Variants in FNIP1 observed in about 807,000 individuals in gnomAD.
FNIP1 encodes the protein folliculin interacting protein 1.
FNIP1 carries 40 observed loss-of-function variants against 124.5 expected under a neutral mutation model. The ratio of observed to expected loss-of-function variants is 0.32; its 90% CI spans 0.25 to 0.42. The LOEUF is 0.42. Among genes scored for constraint, FNIP1 ranks in the 10% least tolerant of loss-of-function variants. The pLI, the probability that FNIP1 is intolerant of heterozygous loss-of-function variation, is 1.00. For synonymous variants in FNIP1, 472 were observed against 470.6 expected (o/e 1.00, Z -0.04); for missense variants, 1,176 against 1,403.7 (o/e 0.84, Z 2.59).
intron 3 of FNIP1, among the ~76,000 whole-genome samples, chr5:131,730,171 A>G (rs1770032492): frequency 6.6e-6 from 1 of 152,228 alleles, no homozygotes; most frequent in East Asian, 1.9e-4. Context: ...GAGATGGAAT[A>G]GAAGAAGGCA....
chr5:131,697,484 G>A (rs1440652718), intron 11 of FNIP1, among the ~76,000 whole-genome samples: 1 of 151,834 alleles, frequency 6.6e-6, no homozygotes, highest in Non-Finnish European at 1.5e-5. Context: ...GTTTTATTAT[G>A]GTAAAGCATA....
intron 15 of FNIP1, among the ~76,000 whole-genome samples, chr5:131,659,459 G>T (rs1274300161): frequency 1.3e-5 from 2 of 152,196 alleles, no homozygotes; most frequent in Non-Finnish European, 2.9e-5. Context: ...AAAGTCCAGG[G>T]TGACATAGTA....
intron 1 of FNIP1, among the ~76,000 whole-genome samples, chr5:131,750,620 T>A (rs1375035232): frequency 6.6e-6 from 1 of 151,404 alleles, no homozygotes; most frequent in Non-Finnish European, 1.5e-5. Context: ...TTCTTTCTTT[T>A]TTTTTTTTTT....
chr5:131,674,053 TA>T (rs1173621538), intron 13 of FNIP1, among the ~76,000 whole-genome samples: 1 of 151,368 alleles, frequency 6.6e-6, no homozygotes, highest in African/African-American at 2.4e-5. Flanking sequence ...ATAAAAATAA[TA>T]AAAAATAAAA....
intron 2 of FNIP1, among the ~76,000 whole-genome samples, chr5:131,732,039 G>A (rs1004929994): frequency 6.6e-6 from 1 of 152,174 alleles, no homozygotes; most frequent in Non-Finnish European, 1.5e-5. Flanking sequence ...GAAGAAAAAT[G>A]TATTTCTTTT....
rs761703732 is a variant in FNIP1, at chr5:131,710,635, G to T, written c.649C>A (p.Arg217=). The T allele has an allele frequency of 1.9e-6, 3 of 1,613,950 alleles. No homozygotes were observed. Among genetic ancestry groups the T allele is most frequent in the East Asian group, 4.5e-5 (2 of 44,880 alleles). ...AGCGGACCCTGCTCAGAGAATGCCCGCCTGGGGCTGCAGAACTGTGAAAGA... is the reference window on the plus strand; with the variant it reads ...AGCGGACCCTGCTCAGAGAATGCCCTCCTGGGGCTGCAGAACTGTGAAAGA... ...IGLSQFCSPR[R]AFSEQGPLRL... is the part of the protein sequence containing the mutation. Residue 217 remains arginine, a synonymous_variant, in exon 7 of 18, where the codon CGG becomes AGG. Coordinates refer to ENST00000510461, the MANE Select transcript of FNIP1 (RefSeq NM_133372.3).
intron 17 of FNIP1, 92 bp downstream of exon 17, chr5:131,646,998 C>G: frequency 6.7e-6 from 7 of 1,045,342 alleles, no homozygotes; most frequent in Non-Finnish European, 1.0e-5. Context: ...TAGGAGAAGA[C>G]ACGTAAAAGG....
At chr5:131,668,927 G>C (rs907850558) in intron 15 of FNIP1, among the ~76,000 whole-genome samples, 2 of 152,154 alleles carry the variant, frequency 1.3e-5, no homozygotes, top group African/African-American at 4.8e-5. Context: ...TACAATTTAA[G>C]TGAAACCACG....
chr5:131,785,783 T>C (rs1017688940), intron 1 of FNIP1, among the ~76,000 whole-genome samples: 6 of 152,252 alleles, frequency 3.9e-5, no homozygotes, highest in Admixed American at 6.5e-5. Context: ...AGCAGGAAGA[T>C]AGCTTGAGCC....
intron 1 of FNIP1, among the ~76,000 whole-genome samples, chr5:131,757,782 G>A (rs187411340): frequency 7.2e-5 from 11 of 152,224 alleles, no homozygotes; most frequent in Middle Eastern, 3.4e-3. Flanking sequence ...TTCATAGAGG[G>A]GCTTATATTT....
At chr5:131,705,197 G>A (rs766149703) in intron 9 of FNIP1, among the ~76,000 whole-genome samples, 1 of 152,040 alleles carries the variant, frequency 6.6e-6, no homozygotes, top group African/African-American at 2.4e-5. Context: ...CAAGTCAGAT[G>A]TGGTGCCTCA....
chr5:131,787,871 G>A (rs944652795), intron 1 of FNIP1, among the ~76,000 whole-genome samples: 2 of 152,146 alleles, frequency 1.3e-5, no homozygotes, highest in African/African-American at 4.8e-5. Context: ...AACACTTTGA[G>A]AGGCCAACGT....
In FNIP1 at chr5:131,709,127, A is replaced by G. The variant is rs750094438; in HGVS notation, c.778+74T>C. Reference sequence around the variant, plus strand: ...ATCAATATGAACAAATTTGATAATAAAGGGAGGGATAAAAAAGAAAATCAA... The same window carrying G: ...ATCAATATGAACAAATTTGATAATAGAGGGAGGGATAAAAAAGAAAATCAA... On this transcript the variant is annotated intron_variant, in intron 8 of 17. Transcript: ENST00000510461. 39 of 1,197,954 alleles carry G rather than the reference A, an allele frequency of 3.3e-5. No individual in the cohort carries two copies. The Admixed American group carries it at 3.5e-4, about 11-fold the overall frequency. The allele number at this position is 1,197,954 out of a possible 1,614,324, so 74.2% of individuals were successfully genotyped here.
At chr5:131,749,290 C>T (rs140287343) in intron 1 of FNIP1, among the ~76,000 whole-genome samples, 8 of 152,180 alleles carry the variant, frequency 5.3e-5, no homozygotes, top group Non-Finnish European at 1.0e-4. Context: ...TTTTCACAGT[C>T]ACTGACTACT....
rs878954935 is a variant in FNIP1, at chr5:131,677,636, T to C, written c.1519+67A>G. 2.8e-6 allele frequency: 4 copies of C among 1,423,396 alleles called. No individual in the cohort carries two copies. In the South Asian group the frequency reaches 4.2e-5, roughly 15 times the overall value. The allele number at this position is 1,423,396 out of a possible 1,614,324, so 88.2% of individuals were successfully genotyped here. On this transcript the variant is annotated intron_variant, in intron 13 of 17. Transcript: ENST00000510461. Reference sequence around the variant, plus strand: ...GCATTTTATTTATTTTTGGTTTTGCTATAAAATAATTACAGATAGCTACAA... The same window carrying C: ...GCATTTTATTTATTTTTGGTTTTGCCATAAAATAATTACAGATAGCTACAA...
chr5:131,739,827 A>C (rs577931709), intron 2 of FNIP1, among the ~76,000 whole-genome samples: 18 of 151,660 alleles, frequency 1.2e-4, no homozygotes, highest in African/African-American at 2.7e-4. Flanking sequence ...AAAAAAAAAA[A>C]AAAAAAAAAA....
intron 6 of FNIP1, among the ~76,000 whole-genome samples, chr5:131,713,057 C>T (rs1365268075): frequency 6.6e-6 from 1 of 151,940 alleles, no homozygotes; most frequent in Non-Finnish European, 1.5e-5. Context: ...CCTCTCTTCT[C>T]CTACCCCTTT....
chr5:131,649,929 T>G (rs1462571413), intron 16 of FNIP1, among the ~76,000 whole-genome samples: 3 of 152,206 alleles, frequency 2.0e-5, no homozygotes, highest in African/African-American at 7.2e-5. Context: ...CAACTAAACT[T>G]ATATGTGAGG....
At chr5:131,720,366 A>T (rs1397216818) in intron 3 of FNIP1, among the ~76,000 whole-genome samples, 1 of 152,194 alleles carries the variant, frequency 6.6e-6, no homozygotes, top group Non-Finnish European at 1.5e-5. Flanking sequence ...AAAGGCTTAC[A>T]TGTATGACCT....
Sources: gnomAD v4.1 joint callset for allele counts (sites outside exome capture counted in the v4.1 genomes callset) on GRCh38, gnomAD v4.1.1 for gene constraint, MANE v1.5 for transcripts, NCBI Gene and HGNC (gene_info 2026-07-23, HGNC 2026-07-21) for gene names.